Variants in ELMOD2 observed in about 807,000 individuals in gnomAD.
ELMOD2 encodes the protein ELMO domain containing 2.
Under a neutral mutation model 41.0 loss-of-function variants are expected in ELMOD2, and 28 were observed. The ratio of observed to expected loss-of-function variants is 0.68; its 90% CI spans 0.51 to 0.94. ELMOD2 has a LOEUF of 0.94. ELMOD2 is among the 40% of genes least tolerant of loss of function. The pLI is 0.00. For missense variants in ELMOD2, 333 were observed against 343.1 expected (o/e 0.97, Z 0.23); for synonymous variants, 106 against 107.2 (o/e 0.99, Z 0.07).
intron 8 of ELMOD2, among the ~76,000 whole-genome samples, chr4:140,545,617 G>C (rs935131817): frequency 6.6e-6 from 1 of 152,146 alleles, no homozygotes; most frequent in African/African-American, 2.4e-5. Context: ...GGACAGCATT[G>C]ATGATTCTAC....
rs752899297 is a variant in ELMOD2, at chr4:140,525,409, C to T, written c.-9-11C>T. The T allele has an allele frequency of 1.9e-6, 3 of 1,610,464 alleles. No homozygotes were observed. Among genetic ancestry groups the T allele is most frequent in the South Asian group, 1.1e-5 (1 of 90,374 alleles). On this transcript the variant is annotated splice_polypyrimidine_tract_variant and intron_variant, in intron 1 of 8. Transcript: ENST00000323570. Reference sequence around the variant, plus strand: ...GTCATTAAGCTTGTCTTGTATGTTTCCCTCCTCCAGGAAAAAAAAATGTTT... The same window carrying T: ...GTCATTAAGCTTGTCTTGTATGTTTTCCTCCTCCAGGAAAAAAAAATGTTT...
chr4:140,552,054 A>G lies in ELMOD2; in HGVS notation c.*1679A>G, dbSNP rs1735483836. On this transcript the variant is annotated 3_prime_UTR_variant, in exon 9 of 9. Transcript: ENST00000323570. ...CACTTAATTTTTAAAAAATATTTTC[A>G]TGCTTTATTGTCCAGCTATACAATA... The G allele has an allele frequency of 6.6e-6, 1 of 152,080 alleles. No homozygotes were observed. The highest frequency in any genetic ancestry group is 1.5e-5 in the Non-Finnish European group (1 of 67,924). The allele number at this position is 152,080 out of a possible 1,614,324, so 9.4% of individuals were successfully genotyped here.
Position 140,525,423 on chromosome 4 carries a change from A to G in ELMOD2, c.-6A>G, listed in dbSNP as rs1734528424. ...CTTGTATGTTTCCCTCCTCCAGGAAAAAAAAATGTTTATTTCTTTGTGGGA... is the reference window on the plus strand; with the variant it reads ...CTTGTATGTTTCCCTCCTCCAGGAAGAAAAAATGTTTATTTCTTTGTGGGA... On this transcript the variant is annotated 5_prime_UTR_variant, in exon 2 of 9. Transcript: ENST00000323570. 1 of 1,611,894 alleles carries G rather than the reference A, an allele frequency of 6.2e-7. No individual in the cohort carries two copies. The highest frequency in any genetic ancestry group is 1.3e-5 in the African/African-American group (1 of 74,678).
chr4:140,546,590 A>G (rs2110880785), intron 8 of ELMOD2, among the ~76,000 whole-genome samples: 1 of 151,708 alleles, frequency 6.6e-6, no homozygotes, highest in Non-Finnish European at 1.5e-5. Context: ...TAGAACTTAA[A>G]AAATAAATCT....
chr4:140,541,260 A>G (rs922699982), intron 6 of ELMOD2, among the ~76,000 whole-genome samples: 2 of 152,188 alleles, frequency 1.3e-5, no homozygotes, highest in African/African-American at 4.8e-5. Flanking sequence ...AGGCTAGACT[A>G]TTAAAGTTTG....
chr4:140,550,086 G>T, intron 8 of ELMOD2, 144 bp from the exon 9 acceptor site: 1 of 679,192 alleles, frequency 1.5e-6, no homozygotes, highest in Non-Finnish European at 2.4e-6. Context: ...AAGTCCCTCA[G>T]GCTTCTAATA....
chr4:140,544,515 A>C (rs1735209311), intron 8 of ELMOD2, among the ~76,000 whole-genome samples: 1 of 152,028 alleles, frequency 6.6e-6, no homozygotes, highest in Admixed American at 6.6e-5. Flanking sequence ...TCCACATTGA[A>C]AGTATAGTTA....
At chr4:140,544,863 T>C (rs1735222691) in intron 8 of ELMOD2, among the ~76,000 whole-genome samples, 1 of 152,106 alleles carries the variant, frequency 6.6e-6, no homozygotes, top group South Asian at 2.1e-4. Context: ...AGTTTATTCA[T>C]TTACTGTGTG....
chr4:140,546,317 C>T (rs1307226839), intron 8 of ELMOD2, among the ~76,000 whole-genome samples: 1 of 151,508 alleles, frequency 6.6e-6, no homozygotes, highest in South Asian at 2.1e-4. Flanking sequence ...AGGGGAATAT[C>T]ACACACCGGG....
intron 8 of ELMOD2, among the ~76,000 whole-genome samples, chr4:140,549,813 G>A (rs1223069664): frequency 1.4e-5 from 2 of 145,662 alleles, no homozygotes; most frequent in Non-Finnish European, 3.0e-5. Flanking sequence ...AGCCTCCCAA[G>A]TAGCTGGGAC....
At chr4:140,524,441 A>G (rs2110806098) in intron 1 of ELMOD2, 161 bp downstream of exon 1, 1 of 280,436 alleles carries the variant, frequency 3.6e-6, no homozygotes, top group East Asian at 1.8e-4. Flanking sequence ...GCGGCGCGCG[A>G]GGGGGGTCGG....
chr4:140,535,650 G>A, intron 3 of ELMOD2, 83 bp from the exon 4 acceptor site: 1 of 1,280,718 alleles, frequency 7.8e-7, no homozygotes. Context: ...TATCTACTTT[G>A]TAAGGTTGAT....
intron 8 of ELMOD2, among the ~76,000 whole-genome samples, chr4:140,543,985 C>A (rs1349219407): frequency 6.6e-6 from 1 of 152,046 alleles, no homozygotes; most frequent in Non-Finnish European, 1.5e-5. Flanking sequence ...GAACTTTTCG[C>A]CTCCCCCTGC....
chr4:140,536,479 C>T (rs1007791880), intron 4 of ELMOD2, among the ~76,000 whole-genome samples: 7 of 152,042 alleles, frequency 4.6e-5, no homozygotes, highest in Non-Finnish European at 8.8e-5. Context: ...TTACACTGGA[C>T]CTTGATGAAT....
In ELMOD2 at chr4:140,545,491, C is replaced by A. The variant is rs558941877; in HGVS notation, c.736+1905C>A. ...GCTTTAATCCCAGCAACTGTATGTC[C>A]AGATCCTTTTTCTCCCTTAATGGAT... On this transcript the variant is annotated intron_variant, in intron 8 of 8. Coordinates refer to ENST00000323570, the MANE Select transcript of ELMOD2 (RefSeq NM_153702.4). 2.6e-5 allele frequency among the ~76,000 whole-genome samples: 4 copies of A among 152,146 alleles called. No individual in the cohort carries two copies. The South Asian group carries it at 8.3e-4, about 32-fold the overall frequency.
intron 4 of ELMOD2, 136 bp downstream of exon 4, chr4:140,535,966 G>C (rs979024525): frequency 1.3e-6 from 1 of 763,024 alleles, no homozygotes. Context: ...CTTCACAAGA[G>C]GAGCAGTTGA....
chr4:140,546,268 T>C (rs1198056627), intron 8 of ELMOD2, among the ~76,000 whole-genome samples: 4 of 151,534 alleles, frequency 2.6e-5, no homozygotes, highest in African/African-American at 9.7e-5. Context: ...TTATCACTCA[T>C]AGGTGGGACT....
rs1388854090 is a variant in ELMOD2 at position 140,551,548 on chromosome 4, A to G, written c.*1173A>G. 1 of 152,126 alleles carries G rather than the reference A, an allele frequency of 6.6e-6. No individual in the cohort carries two copies. The highest frequency in any genetic ancestry group is 1.5e-5 in the Non-Finnish European group (1 of 67,958). The allele number at this position is 152,126 out of a possible 1,614,324, so 9.4% of individuals were successfully genotyped here. On this transcript the variant is annotated 3_prime_UTR_variant, in exon 9 of 9. Coordinates refer to ENST00000323570, the MANE Select transcript of ELMOD2 (RefSeq NM_153702.4). ...TAGTGATGAGATTTTTATGGGAATG[A>G]TTTCTTCTTGGTGCGTTTTACACAT...
chr4:140,545,749 C>T (rs1259280504), intron 8 of ELMOD2, among the ~76,000 whole-genome samples: 1 of 151,906 alleles, frequency 6.6e-6, no homozygotes, highest in East Asian at 1.9e-4. Flanking sequence ...ATCCCTTGTT[C>T]ATTAGCTACC....
Sources: allele counts gnomAD v4.1 joint callset (sites outside exome capture counted in the v4.1 genomes callset), GRCh38; gene constraint gnomAD v4.1.1; transcripts MANE v1.5; gene names NCBI Gene and HGNC (gene_info 2026-07-23, HGNC 2026-07-21).